Variants in SH3GL2 observed in about 807,000 individuals in gnomAD.
SH3GL2 encodes endophilin-A1.
A neutral mutation model predicts 46.0 loss-of-function variants in SH3GL2; 24 were observed. The observed-to-expected ratio is 0.52, with a 90% CI of 0.38 to 0.73. The LOEUF (loss-of-function observed/expected upper bound fraction) is 0.73, where lower values mean the gene tolerates loss of function less well. SH3GL2 is among the 30% of genes least tolerant of loss of function. The pLI, the probability that SH3GL2 is intolerant of heterozygous loss-of-function variation, is 0.00. For synonymous variants in SH3GL2, 196 were observed against 147.1 expected (o/e 1.33, Z -2.40); for missense variants, 413 against 424.2 (o/e 0.97, Z 0.23).
intron 1 of SH3GL2, among the ~76,000 whole-genome samples, chr9:17,701,237 T>C (rs557419602): frequency 6.6e-4 from 100 of 152,212 alleles, no homozygotes; most frequent in African/African-American, 2.4e-3. Context: ...ACTACAAAAG[T>C]TGAAAATCTC....
intron 1 of SH3GL2, among the ~76,000 whole-genome samples, chr9:17,684,236 G>A (rs1820845946): frequency 6.6e-6 from 1 of 151,972 alleles, no homozygotes; most frequent in African/African-American, 2.4e-5. Flanking sequence ...CAGTAGAAAA[G>A]GTGAGATTAC....
At chr9:17,591,240 G>T (rs192793926) in intron 1 of SH3GL2, 2 of 151,886 alleles carry the variant, frequency 1.3e-5, no homozygotes, top group East Asian at 1.9e-4. Flanking sequence ...TGACTGTTAC[G>T]TCTTCCCCTT....
intron 1 of SH3GL2, among the ~76,000 whole-genome samples, chr9:17,698,758 C>G (rs927847969): frequency 6.6e-6 from 1 of 152,178 alleles, no homozygotes; most frequent in African/African-American, 2.4e-5. Context: ...GTGAAGGTCA[C>G]AAGTACAGAT....
At chr9:17,738,432 C>T (rs886735817) in intron 1 of SH3GL2, among the ~76,000 whole-genome samples, 4 of 140,034 alleles carry the variant, frequency 2.9e-5, no homozygotes, top group African/African-American at 1.0e-4. Context: ...TAGGGTTCTC[C>T]AGAGAAACAG....
In SH3GL2 at chr9:17,706,345, G is replaced by A. The variant is rs528496046; in HGVS notation, c.46-40721G>A. Among the ~76,000 whole-genome samples the A allele has an allele frequency of 6.9e-4, 105 of 152,126 alleles. 1 individual carries two copies. Among genetic ancestry groups the A allele is most frequent in the African/African-American group, 2.3e-3 (96 of 41,542 alleles). ...TGAATAAAGCATAATAGACATGAAT[G>A]TATTTTTATGCTTTCCTAATTTAAG... On this transcript the variant is annotated intron_variant, in intron 1 of 8. Coordinates refer to ENST00000380607, the MANE Select transcript of SH3GL2 (RefSeq NM_003026.5).
intron 8 of SH3GL2, 124 bp downstream of exon 8, chr9:17,793,621 G>C: frequency 1.8e-5 from 16 of 875,288 alleles, no homozygotes; most frequent in Non-Finnish European, 2.8e-5. Context: ...ATTTCTTATG[G>C]AGTCAGTTGT....
intron 3 of SH3GL2, among the ~76,000 whole-genome samples, chr9:17,775,611 A>G (rs1823620332): frequency 6.6e-6 from 1 of 152,208 alleles, no homozygotes; most frequent in African/African-American, 2.4e-5. Context: ...ACTACAAATT[A>G]TTCGGCATTT....
chr9:17,657,190 A>T (rs1820106285), intron 1 of SH3GL2, among the ~76,000 whole-genome samples: 1 of 152,218 alleles, frequency 6.6e-6, no homozygotes, highest in East Asian at 1.9e-4. Context: ...GTTGCCAGGC[A>T]CTTTACATTG....
At chr9:17,622,984 T>C (rs147919981) in intron 1 of SH3GL2, among the ~76,000 whole-genome samples, 3,300 of 75,144 alleles carry the variant, frequency 0.044, 117 homozygotes, top group East Asian at 0.064. Flanking sequence ...TCGTTTCCTT[T>C]CGTTTCCTTT....
At chr9:17,718,860 A>G (rs1053293857) in intron 1 of SH3GL2, among the ~76,000 whole-genome samples, 1 of 152,066 alleles carries the variant, frequency 6.6e-6, no homozygotes. Context: ...GCTTTGAGGA[A>G]CACTGGTGGA....
At chr9:17,619,606 A>C (rs1185772103) in intron 1 of SH3GL2, among the ~76,000 whole-genome samples, 2 of 152,104 alleles carry the variant, frequency 1.3e-5, no homozygotes, top group Non-Finnish European at 1.5e-5. Context: ...TGAACCCGGG[A>C]GGCAGAGGTT....
chr9:17,646,859 C>T (rs1279581840), intron 1 of SH3GL2, among the ~76,000 whole-genome samples: 4 of 152,192 alleles, frequency 2.6e-5, no homozygotes, highest in African/African-American at 9.7e-5. Context: ...GGTCAGGGAC[C>T]CCACTTGAGG....
intron 6 of SH3GL2, 31 bp downstream of exon 6, chr9:17,789,581 C>G: frequency 6.2e-7 from 1 of 1,610,940 alleles, no homozygotes; most frequent in African/African-American, 1.3e-5. Flanking sequence ...TCAATTTAAT[C>G]TTATCATCGA....
chr9:17,649,680 G>A (rs923098305), intron 1 of SH3GL2, among the ~76,000 whole-genome samples: 43 of 152,132 alleles, frequency 2.8e-4, no homozygotes, highest in African/African-American at 9.2e-4. Flanking sequence ...TTTTCTTTTG[G>A]CAAATACACG....
intron 1 of SH3GL2, among the ~76,000 whole-genome samples, chr9:17,728,479 T>C (rs1309648525): frequency 6.6e-6 from 1 of 152,124 alleles, no homozygotes; most frequent in Non-Finnish European, 1.5e-5. Flanking sequence ...TGTATGTATG[T>C]ATTTATTTTT....
chr9:17,651,331 C>G (rs1288092649), intron 1 of SH3GL2, among the ~76,000 whole-genome samples: 1 of 152,172 alleles, frequency 6.6e-6, no homozygotes, highest in East Asian at 1.9e-4. Flanking sequence ...GTTGACTCAT[C>G]TCATCCACGA....
At chr9:17,595,308 C>A (rs7036533) in intron 1 of SH3GL2, among the ~76,000 whole-genome samples, 4,608 of 152,160 alleles carry the variant, frequency 0.03, 265 homozygotes, top group African/African-American at 0.11. Context: ...AATAAGACAA[C>A]AATATGAAAG....
At chr9:17,624,090 C>A (rs939140901) in intron 1 of SH3GL2, among the ~76,000 whole-genome samples, 3 of 152,152 alleles carry the variant, frequency 2.0e-5, no homozygotes, top group East Asian at 3.9e-4. Flanking sequence ...CTGCATCCTG[C>A]CCGTTAAAAA....
At chr9:17,780,312 T>A (rs1313808190) in intron 3 of SH3GL2, among the ~76,000 whole-genome samples, 2 of 152,160 alleles carry the variant, frequency 1.3e-5, no homozygotes, top group African/African-American at 4.8e-5. Flanking sequence ...ATTCTTTTGA[T>A]CTGGCTTATT....
Sources: allele counts gnomAD v4.1 joint callset (sites outside exome capture counted in the v4.1 genomes callset), GRCh38; gene constraint gnomAD v4.1.1; transcripts MANE v1.5; gene names NCBI Gene and HGNC (gene_info 2026-07-23, HGNC 2026-07-21).